Variants in CR1 observed in about 807,000 individuals in gnomAD.
CR1 encodes the protein complement receptor type 1.
CR1 carries 116 observed loss-of-function variants against 187.3 expected under a neutral mutation model. The observed-to-expected ratio is 0.62, with a 90% CI of 0.53 to 0.72. CR1 has a LOEUF of 0.72. CR1 is among the 30% of genes least tolerant of loss of function. CR1 has a pLI of 0.00. For missense variants in CR1, 1,731 were observed against 2,110.7 expected, an observed-to-expected ratio of 0.82 and a Z score of 3.52; for synonymous variants, 576 against 747.1, an observed-to-expected ratio of 0.77 and a Z score of 3.73.
chr1:207,593,147 C>G lies in CR1; in HGVS notation c.5810+4373C>G, dbSNP rs138295866. ...GGAACCAAAAAATAGCCCATATAGCCAAGACAATCCTAAGCAAAAAGAACA... is the reference window on the plus strand; with the variant it reads ...GGAACCAAAAAATAGCCCATATAGCGAAGACAATCCTAAGCAAAAAGAACA... On this transcript the variant is annotated intron_variant, in intron 35 of 46. Transcript: ENST00000367049. Among the ~76,000 whole-genome samples the G allele has an allele frequency of 3.8e-3, 559 of 147,608 alleles. 2 individuals are homozygous for G. The highest frequency in any genetic ancestry group is 0.014 in the African/African-American group (543 of 39,852).
chr1:207,506,123 C>T (rs1659424924), intron 2 of CR1, 40 bp downstream of exon 2: 1 of 1,597,806 alleles, frequency 6.3e-7, no homozygotes, highest in Non-Finnish European at 8.5e-7. Context: ...GTTAGTCAAA[C>T]ATCTGTAAGA....
chr1:207,629,264 A>G (rs1291696450), intron 45 of CR1, among the ~76,000 whole-genome samples: 1 of 152,146 alleles, frequency 6.6e-6, no homozygotes, highest in Non-Finnish European at 1.5e-5. Flanking sequence ...TAAAATACTT[A>G]AGGCCATCCT....
intron 37 of CR1, among the ~76,000 whole-genome samples, chr1:207,611,294 G>T (rs1357103254): frequency 6.6e-6 from 1 of 152,190 alleles, no homozygotes; most frequent in Non-Finnish European, 1.5e-5. Context: ...CTTGGCAACA[G>T]TACTCCTTGC....
At chr1:207,598,760 T>A (rs1466016190) in intron 35 of CR1, 2 of 152,184 alleles carry the variant, frequency 1.3e-5, no homozygotes, top group African/African-American at 4.8e-5. Flanking sequence ...AACTAACGTA[T>A]TGAAATACAT....
chr1:207,566,606 C>A (rs1660505586), intron 24 of CR1, among the ~76,000 whole-genome samples: 1 of 150,192 alleles, frequency 6.7e-6, no homozygotes, highest in African/African-American at 2.5e-5. Context: ...TGGGGAGCAA[C>A]ATTAGACAGG....
At chr1:207,524,489 G>A (rs1660104918) in intron 5 of CR1, among the ~76,000 whole-genome samples, 1 of 151,968 alleles carries the variant, frequency 6.6e-6, no homozygotes, top group Non-Finnish European at 1.5e-5. Flanking sequence ...GCTCAAGCAA[G>A]TCTCCTGCCT....
chr1:207,609,296 C>A lies in CR1; in HGVS notation c.5903C>A (p.Ser1968Tyr), dbSNP rs1034658211. 4 of 1,606,924 alleles carry A rather than the reference C, an allele frequency of 2.5e-6. No homozygotes were observed. Among genetic ancestry groups the A allele is most frequent in the Admixed American group, 1.7e-5 (1 of 59,442 alleles). ...DKKAPICEII[S>Y]CEPPPTISNG... ...ATACTCTTCCTTCTCTCAGTCATAT[C>A]TTGTGAGCCACCTCCAACCATATCC... The change falls in exon 37 of 47, where the codon TCT becomes TAT. Residue 1968 changes from serine to tyrosine, a missense_variant. Ser to Tyr is a moderately radical substitution (Grantham distance 144). Transcript: ENST00000367049.
chr1:207,581,092 GAA>G (rs986405358), intron 31 of CR1, among the ~76,000 whole-genome samples: 3 of 145,310 alleles, frequency 2.1e-5, no homozygotes, highest in South Asian at 2.1e-4. Context: ...AAAAGATCTT[GAA>G]AAAAAAAGTG....
intron 39 of CR1, among the ~76,000 whole-genome samples, chr1:207,614,187 C>A (rs1662025643): frequency 6.6e-6 from 1 of 152,050 alleles, no homozygotes; most frequent in Admixed American, 6.6e-5. Context: ...TCACAGGGTA[C>A]CATGGTTCTT....
At chr1:207,623,446 G>T (rs1209554570) in intron 45 of CR1, among the ~76,000 whole-genome samples, 4 of 151,988 alleles carry the variant, frequency 2.6e-5, no homozygotes, top group Admixed American at 6.6e-5. Flanking sequence ...AGCTGGGCGA[G>T]GTGGGACACA....
intron 40 of CR1, among the ~76,000 whole-genome samples, chr1:207,615,273 C>T (rs1353713192): frequency 2.0e-5 from 3 of 152,020 alleles, no homozygotes; most frequent in Non-Finnish European, 2.9e-5. Context: ...TCCCTACTTT[C>T]CTGGGATGTA....
At chr1:207,580,020 A>G (rs913227206) in intron 29 of CR1, among the ~76,000 whole-genome samples, 1 of 152,202 alleles carries the variant, frequency 6.6e-6, no homozygotes, top group African/African-American at 2.4e-5. Flanking sequence ...TTCCTAGGAA[A>G]TATGTAGATG....
rs1360633258 is a variant in CR1, at chr1:207,496,406, G to T, written c.121+18G>T. ...GGCCTGGGGTGAGAGGCGGGCGGGC[G>T]TGGGGAGGCGCCCGGGCGGACGAGG... On this transcript the variant is annotated intron_variant, in intron 1 of 46. Coordinates refer to ENST00000367049, the MANE Select transcript of CR1 (RefSeq NM_000651.6). The T allele has an allele frequency of 9.2e-5, 147 of 1,595,778 alleles. No individual in the cohort carries two copies. Among genetic ancestry groups the T allele is most frequent in the Non-Finnish European group, 1.2e-4 (142 of 1,172,178 alleles).
At chr1:207,584,996 G>A in intron 33 of CR1, 120 bp downstream of exon 33, 1 of 1,448,528 alleles carries the variant, frequency 6.9e-7, no homozygotes, top group Non-Finnish European at 9.3e-7. Context: ...AAGTGTAAAT[G>A]TCAAAATTAC....
At chr1:207,502,796 T>C (rs998435543) in intron 1 of CR1, among the ~76,000 whole-genome samples, 3 of 152,190 alleles carry the variant, frequency 2.0e-5, no homozygotes, top group South Asian at 2.1e-4. Flanking sequence ...ACTAAAGCCA[T>C]TGACAACAGG....
In CR1 at chr1:207,611,657, T is replaced by C. The variant is rs767860071; in HGVS notation, c.6296-20T>C. 1.1e-5 allele frequency: 18 copies of C among 1,613,048 alleles called. No individual in the cohort carries two copies. Among genetic ancestry groups the C allele is most frequent in the African/African-American group, 4.0e-5 (3 of 74,928 alleles). On this transcript the variant is annotated intron_variant, in intron 37 of 46. Transcript: ENST00000367049. ...ATTGCCCCATATCTAACAAGTGCTC[T>C]GGAACTGTCCTTTCCACAGTGTGTC...
chr1:207,594,607 A>G (rs891947647), intron 35 of CR1, among the ~76,000 whole-genome samples: 1 of 152,158 alleles, frequency 6.6e-6, no homozygotes, highest in South Asian at 2.1e-4. Context: ...ATGATAATAA[A>G]AAAAAGACTG....
intron 46 of CR1, among the ~76,000 whole-genome samples, chr1:207,635,160 G>A (rs1347104226): frequency 1.3e-5 from 2 of 152,094 alleles, no homozygotes; most frequent in East Asian, 3.8e-4. Flanking sequence ...CTCATTAGGT[G>A]GAACTAGAGA....
chr1:207,612,732 TGTGA>T (rs1378850338), intron 39 of CR1, among the ~76,000 whole-genome samples: 4 of 152,132 alleles, frequency 2.6e-5, no homozygotes, highest in Admixed American at 6.5e-5. Context: ...GGAGGGGATG[TGTGA>T]GTGAGTGAGT....
Sources: allele counts gnomAD v4.1 joint callset (sites outside exome capture counted in the v4.1 genomes callset), GRCh38; gene constraint gnomAD v4.1.1; transcripts MANE v1.5; gene names NCBI Gene and HGNC (gene_info 2026-07-23, HGNC 2026-07-21).